SPTB: variants seen among roughly 807,000 people sequenced by gnomAD.
SPTB encodes the protein spectrin beta chain, erythrocytic.
In SPTB, 45 loss-of-function variants were observed where a neutral mutation model predicts 256.2. The ratio of observed to expected loss-of-function variants is 0.18; its 90% CI spans 0.14 to 0.23. SPTB has a LOEUF of 0.23. SPTB is among the 10% of genes least tolerant of loss of function. The probability of loss-of-function intolerance (pLI) is 1.00; values close to 1 mark genes in which losing one functional copy is unlikely to be tolerated. For missense variants in SPTB, 2,715 were observed against 3,040.4 expected, an observed-to-expected ratio of 0.89 and a Z score of 2.52; for synonymous variants, 1,231 against 1,243.1, an observed-to-expected ratio of 0.99 and a Z score of 0.21.
Position 64,796,952 on chromosome 14 carries a change from C to A in SPTB, c.1183-237G>T, listed in dbSNP as rs566824134. On this transcript the variant is annotated intron_variant, in intron 10 of 35. Transcript: ENST00000644917. The surrounding 1 kb of genome is among the most constrained non-coding windows in gnomAD (Gnocchi z 4.1). ...TCACTTCCCTCTTCCCCTAAACCTG[C>A]CTCAGACTCTTGGCCCAAAATAATG... Among the ~76,000 whole-genome samples the A allele has an allele frequency of 1.4e-4, 21 of 152,302 alleles. No individual in the cohort carries two copies. Among genetic ancestry groups the A allele is most frequent in the Non-Finnish European group, 2.2e-4 (15 of 68,024 alleles).
At chr14:64,854,795 C>T (rs547420671) in intron 1 of SPTB, among the ~76,000 whole-genome samples, 2 of 152,246 alleles carry the variant, frequency 1.3e-5, no homozygotes, top group South Asian at 2.1e-4. Context: ...AGGCCTTGCC[C>T]TTCATTGAGG....
chr14:64,855,431 G>A lies in SPTB; in HGVS notation c.-52+24361C>T, dbSNP rs79079418. ...TTGGGGAAATGAAAAAAGAGAAACC[G>A]TATTAGATAAAATATTTCCATCACA... On this transcript the variant is annotated intron_variant, in intron 1 of 35. Transcript: ENST00000644917. Among the ~76,000 whole-genome samples the A allele has an allele frequency of 6.2e-3, 936 of 152,152 alleles. 58 individuals are homozygous for A. In the East Asian group the frequency reaches 0.14, roughly 23 times the overall value.
At chr14:64,864,550 GA>G (rs1882045313) in intron 1 of SPTB, among the ~76,000 whole-genome samples, 1 of 152,130 alleles carries the variant, frequency 6.6e-6, no homozygotes, top group African/African-American at 2.4e-5. Flanking sequence ...AATGTAGTAT[GA>G]AAAAATAAAT....
intron 4 of SPTB, 145 bp downstream of exon 4, chr14:64,803,462 C>G: frequency 9.9e-7 from 1 of 1,013,168 alleles, no homozygotes; most frequent in South Asian, 1.4e-5. Flanking sequence ...TTACTCCTTC[C>G]TACAAGCACT....
intron 8 of SPTB, among the ~76,000 whole-genome samples, chr14:64,800,540 A>G (rs1355480910): frequency 6.6e-6 from 1 of 152,214 alleles, no homozygotes; most frequent in Non-Finnish European, 1.5e-5. Flanking sequence ...TTCGCCAGGT[A>G]CAGAGCAGCC....
chr14:64,846,963 C>G (rs1210364916), intron 1 of SPTB, among the ~76,000 whole-genome samples: 4 of 152,170 alleles, frequency 2.6e-5, no homozygotes. Context: ...AGCAACACGG[C>G]ATCAAGCTTG....
At chr14:64,769,463 C>T in intron 28 of SPTB, 127 bp downstream of exon 28, 1 of 1,329,570 alleles carries the variant, frequency 7.5e-7, no homozygotes, top group South Asian at 1.3e-5. Context: ...CCCCGATCTC[C>T]ATGAGTGAGA....
At chr14:64,877,338 G>A (rs1334724551) in intron 1 of SPTB, among the ~76,000 whole-genome samples, 1 of 152,146 alleles carries the variant, frequency 6.6e-6, no homozygotes, top group Non-Finnish European at 1.5e-5. Flanking sequence ...TCCTGGGAAT[G>A]AAGATTATGA....
chr14:64,769,142 G>A, intron 28 of SPTB, 24 bp from the exon 29 acceptor site: 2 of 1,608,842 alleles, frequency 1.2e-6, no homozygotes, highest in Middle Eastern at 1.7e-4. Context: ...AGGGAGAAAA[G>A]CTCAGGCTTG....
At position 64,807,707 on chromosome 14, in the gene SPTB, G is replaced by C. The variant is rs11851715; in HGVS notation, c.149-2617C>G. On this transcript the variant is annotated intron_variant, in intron 2 of 35. Coordinates refer to ENST00000644917, the MANE Select transcript of SPTB (RefSeq NM_001355436.2). This position sits in a 1 kb window ranked among gnomAD's most constrained non-coding sequence, Gnocchi z 4.7. ...TGGCATGCTCAGCACATTCACTCCC[G>C]CACAGCCCAGATGCTCATCCCAAGC... is the stretch of plus-strand genomic sequence containing the variant. Among the ~76,000 whole-genome samples the C allele has an allele frequency of 6.6e-6, 1 of 152,236 alleles. No individual in the cohort carries two copies. Among genetic ancestry groups the C allele is most frequent in the Admixed American group, 6.5e-5 (1 of 15,288 alleles).
chr14:64,754,323 C>T (rs769654580), intron 32 of SPTB: 5 of 200,530 alleles, frequency 2.5e-5, no homozygotes, highest in Non-Finnish European at 5.2e-5. Flanking sequence ...CCTAAGTCTG[C>T]CCGCCCCTGC....
In SPTB at chr14:64,772,879, C is replaced by T; in HGVS notation, c.5254G>A (p.Ala1752Thr). 1 of 1,609,422 alleles carries T rather than the reference C, an allele frequency of 6.2e-7. No homozygotes were observed. The highest frequency in any genetic ancestry group is 8.5e-7 in the Non-Finnish European group (1 of 1,176,740). ...IGQERVDNVNAFIERLIDAGH... is the reference protein window; with the variant it reads ...IGQERVDNVNTFIERLIDAGH... The stretch of plus-strand genomic sequence containing the variant: ...GCGTCGATGAGTCGCTCGATGAAGG[C>T]ATTCACATTGTCCACCCGCTCCTGC... The change falls in exon 26 of 36, where the codon GCC (alanine) becomes ACC (threonine). Residue 1752 changes from alanine (A) to threonine (T), a missense_variant. Around this residue, in one of 4 missense-constraint regions of SPTB, gnomAD observed 2,239 missense variants for 2,384.4 expected, o/e 0.94. Transcript: ENST00000644917. This position sits in a 1 kb window ranked among gnomAD's most constrained non-coding sequence, Gnocchi z 5.4.
At chr14:64,801,165 C>T in intron 7 of SPTB, 120 bp downstream of exon 7, 1 of 832,236 alleles carries the variant, frequency 1.2e-6, no homozygotes, top group Non-Finnish European at 1.9e-6. Flanking sequence ...CCTCACTGTG[C>T]CCACAGCTTG....
In SPTB at chr14:64,807,906, G is replaced by A. The variant is rs1293884897; in HGVS notation, c.149-2816C>T. Among the ~76,000 whole-genome samples, 3 of 152,256 alleles carry A rather than the reference G, an allele frequency of 2.0e-5. No homozygotes were observed. Among genetic ancestry groups the A allele is most frequent in the African/African-American group, 7.2e-5 (3 of 41,466 alleles). On this transcript the variant is annotated intron_variant, in intron 2 of 35. Coordinates refer to ENST00000644917, the MANE Select transcript of SPTB (RefSeq NM_001355436.2). The surrounding 1 kb of genome is among the most constrained non-coding windows in gnomAD (Gnocchi z 4.7). ...TCAGCACAGCCCTGCCAGGAGCCAG[G>A]CCTTATTTCCAGAGCCCTAACCCTG...
rs1470944993 is a variant in SPTB at position 64,805,419 on chromosome 14, C to T, written c.149-329G>A. Among the ~76,000 whole-genome samples, 23 of 152,138 alleles carry T rather than the reference C, an allele frequency of 1.5e-4. 1 individual carries two copies. The highest frequency in any genetic ancestry group is 1.5e-3 in the Admixed American group (23 of 15,264). ...TGCCATTGAATTCAGATTTCAGTGCCAGGCTTACCCATCAACCCATCAAAT... is the reference window on the plus strand; with the variant it reads ...TGCCATTGAATTCAGATTTCAGTGCTAGGCTTACCCATCAACCCATCAAAT... On this transcript the variant is annotated intron_variant, in intron 2 of 35. Coordinates refer to ENST00000644917, the MANE Select transcript of SPTB (RefSeq NM_001355436.2).
chr14:64,766,293 T>G, intron 32 of SPTB: 1 of 759,692 alleles, frequency 1.3e-6, no homozygotes, highest in Admixed American at 4.3e-5. Flanking sequence ...TGTGTGGGCA[T>G]GTGCCTGTGT....
intron 31 of SPTB, 89 bp from the exon 32 acceptor site, chr14:64,766,890 G>T: frequency 6.6e-7 from 1 of 1,521,184 alleles, no homozygotes; most frequent in Non-Finnish European, 9.0e-7. Flanking sequence ...TGCGCCCACA[G>T]GGAGGAGCAC....
rs929012261 is a variant in SPTB at position 64,768,908 on chromosome 14, G to T, written c.6022+126C>A. ...CCCCTGGCCCCAGAGCTTTGCTGAA[G>T]AGCAGTGCTGTGGGGGGCTCCTCTC... On this transcript the variant is annotated intron_variant, in intron 29 of 35. Coordinates refer to ENST00000644917, the MANE Select transcript of SPTB (RefSeq NM_001355436.2). The T allele has an allele frequency of 1.5e-5, 12 of 827,112 alleles. No homozygotes were observed. In the African/African-American group the frequency reaches 2.0e-4, roughly 14 times the overall value. The allele number at this position is 827,112 out of a possible 1,614,324, so 51.2% of individuals were successfully genotyped here. A position where few individuals can be genotyped will look rare whatever the true frequency, so the allele number is the denominator to read the frequency against.
chr14:64,769,212 G>C, intron 28 of SPTB, 94 bp from the exon 29 acceptor site: 1 of 1,232,574 alleles, frequency 8.1e-7, no homozygotes, highest in African/African-American at 1.5e-5. Context: ...TGCCAGGTTT[G>C]GTCCTACAGC....
Sources: gnomAD v4.1 joint callset for allele counts (sites outside exome capture counted in the v4.1 genomes callset) on GRCh38, gnomAD v4.1.1 for gene constraint, gnomAD v4.1.1 regional missense constraint, Gnocchi (gnomAD v3.1) non-coding constraint, MANE v1.5 for transcripts, NCBI Gene and HGNC (gene_info 2026-07-23, HGNC 2026-07-21) for gene names.